Variants in CCDC51 observed in about 807,000 individuals in gnomAD.
CCDC51 encodes the protein mitochondrial potassium channel.
A neutral mutation model predicts 24.8 loss-of-function variants in CCDC51; 25 were observed. The ratio of observed to expected loss-of-function variants is 1.01; its 90% CI spans 0.73 to 1.41. The LOEUF (loss-of-function observed/expected upper bound fraction) is 1.41, where lower values mean the gene tolerates loss of function less well. Among genes scored for constraint, CCDC51 ranks in the 40% most tolerant of loss-of-function variants. The pLI is 0.00. For missense variants in CCDC51, 466 were observed against 519.1 expected (o/e 0.90, Z 0.99); for synonymous variants, 190 against 204.3 (o/e 0.93, Z 0.60).
chr3:48,432,915 A>G lies in CCDC51; in HGVS notation c.729T>C (p.Ser243=), dbSNP rs763391229. ...LLLEAQKGPV[S]LQEAIREQAS... ...CCTGTTCTCGAATGGCCTCTTGGAG[A>G]CTCACAGGCCCCTTCTGCGCCTCCA... Residue 243 remains serine (S), a synonymous_variant, in exon 4 of 4, where the codon AGT becomes AGC. Transcript: ENST00000395694. 1.2e-6 allele frequency: 2 copies of G among 1,613,734 alleles called. No homozygotes were observed. Among genetic ancestry groups the G allele is most frequent in the Non-Finnish European group, 1.7e-6 (2 of 1,179,940 alleles).
At position 48,435,627 on chromosome 3, in the gene CCDC51, G is replaced by A. The variant is rs111285316; in HGVS notation, c.-8-491C>T. 8.5e-5 allele frequency among the ~76,000 whole-genome samples: 13 copies of A among 152,224 alleles called. 1 individual carries two copies. Among genetic ancestry groups the A allele is most frequent in the African/African-American group, 2.9e-4 (12 of 41,536 alleles). On this transcript the variant is annotated intron_variant, in intron 1 of 3. Coordinates refer to ENST00000395694, the MANE Select transcript of CCDC51 (RefSeq NM_001256964.2). This position sits in a 1 kb window ranked among gnomAD's most constrained non-coding sequence, Gnocchi z 4.2. Reference sequence around the variant, plus strand: ...GATCCAGGATCATTTCTGTAAAACAGCCTCAAAACCAACTCCCCAGACTCT... The same window carrying A: ...GATCCAGGATCATTTCTGTAAAACAACCTCAAAACCAACTCCCCAGACTCT...
Position 48,432,434 on chromosome 3 carries a change from G to T in CCDC51, c.1210C>A (p.Leu404Ile). The change falls in exon 4 of 4, where the codon CTC (leucine) becomes ATC (isoleucine). Residue 404 changes from leucine to isoleucine, a missense_variant. By Grantham distance (5) the Leu-to-Ile change is conservative. Transcript: ENST00000395694. Reference sequence around the variant, plus strand: ...TAGCTGGCTTTGAATAGCATGTAGAGCACAGGCAGTGTGGCCACAAATGTC... The same window carrying T: ...TAGCTGGCTTTGAATAGCATGTAGATCACAGGCAGTGTGGCCACAAATGTC... ...CVTFVATLPV[L>I]YMLFKAS is the part of the protein sequence containing the mutation. 4 of 1,614,260 alleles carry T rather than the reference G, an allele frequency of 2.5e-6. No homozygotes were observed. The highest frequency in any genetic ancestry group is 3.4e-6 in the Non-Finnish European group (4 of 1,180,050).
At chr3:48,440,155 C>G (rs2039518589), upstream of CCDC51, 2 of 1,394,194 alleles carry the variant, frequency 1.4e-6, no homozygotes, top group Non-Finnish European at 1.9e-6. Flanking sequence ...TAGTACCCGC[C>G]CCTGGAGCGC....
At chr3:48,434,003 TAG>T (rs2039273940) in intron 2 of CCDC51, 132 bp from the exon 3 acceptor site, 1 of 1,454,230 alleles carries the variant, frequency 6.9e-7, no homozygotes, top group Non-Finnish European at 9.0e-7. Context: ...CGGAATTCCT[TAG>T]ACACTAATCC....
At chr3:48,440,663 A>G (rs2039538034), upstream of CCDC51, 1 of 1,585,670 alleles carries the variant, frequency 6.3e-7, no homozygotes, top group Non-Finnish European at 8.6e-7. Flanking sequence ...AAGCTGGCCA[A>G]ACGCTATGAG....
At chr3:48,438,639 A>G (rs1013894546) in intron 1 of CCDC51, among the ~76,000 whole-genome samples, 3 of 152,066 alleles carry the variant, frequency 2.0e-5, no homozygotes, top group Non-Finnish European at 4.4e-5. Flanking sequence ...CACCTCTGCC[A>G]CTGCTACCAA....
upstream of CCDC51, among the ~76,000 whole-genome samples, chr3:48,443,507 C>T (rs1240778416): frequency 6.6e-6 from 1 of 150,884 alleles, no homozygotes; most frequent in Non-Finnish European, 1.5e-5. Context: ...GCACTGCAGC[C>T]TGGGCGACAG....
chr3:48,432,969 C>G lies in CCDC51; in HGVS notation c.675G>C (p.Val225=), dbSNP rs771909567. 6.2e-7 allele frequency: 1 copy of G among 1,614,186 alleles called. No homozygotes were observed. The highest frequency in any genetic ancestry group is 2.2e-5 in the East Asian group (1 of 44,882). The change falls in exon 4 of 4, where the codon GTG becomes GTC. Residue 225 remains valine, a synonymous_variant. Coordinates refer to ENST00000395694, the MANE Select transcript of CCDC51 (RefSeq NM_001256964.2). The part of the protein sequence containing the change: ...GVAGSTYVNR[V]RLQELKALLL... ...GTAAAGCCTTCAGCTCCTGTAGTCGCACACGGTTCACATAGGTGGAGCCAG... is the reference window on the plus strand; with the variant it reads ...GTAAAGCCTTCAGCTCCTGTAGTCGGACACGGTTCACATAGGTGGAGCCAG...
chr3:48,434,025 C>T, intron 2 of CCDC51, 154 bp from the exon 3 acceptor site: 2 of 1,418,650 alleles, frequency 1.4e-6, no homozygotes, highest in South Asian at 3.0e-5. Context: ...CTGGCTCACC[C>T]AGTGGTGCTC....
At position 48,434,264 on chromosome 3, in the gene CCDC51, A is replaced by G. The variant is rs190610140; in HGVS notation, c.313-393T>C. Reference sequence around the variant, plus strand: ...TTTATAAACCCAGAAACACCAGCTCAGCCAAGCTCACAATCTCCAAGGAAA... The same window carrying G: ...TTTATAAACCCAGAAACACCAGCTCGGCCAAGCTCACAATCTCCAAGGAAA... On this transcript the variant is annotated intron_variant, in intron 2 of 3. Coordinates refer to ENST00000395694, the MANE Select transcript of CCDC51 (RefSeq NM_001256964.2). 5.9e-5 allele frequency among the ~76,000 whole-genome samples: 9 copies of G among 152,344 alleles called. No homozygotes were observed. The East Asian group carries it at 1.7e-3, about 29-fold the overall frequency.
At chr3:48,443,457 C>G (rs2039612208), upstream of CCDC51, among the ~76,000 whole-genome samples, 1 of 151,688 alleles carries the variant, frequency 6.6e-6, no homozygotes, top group Non-Finnish European at 1.5e-5. Context: ...TTGCTTCAAC[C>G]TGGGAGGCAG....
upstream of CCDC51, among the ~76,000 whole-genome samples, chr3:48,441,901 C>G (rs1044769660): frequency 2.0e-5 from 3 of 152,086 alleles, no homozygotes; most frequent in East Asian, 1.9e-4. Flanking sequence ...GTTTACCTAC[C>G]CAGCACTGAG....
At chr3:48,438,799 C>T (rs1415079059) in intron 1 of CCDC51, among the ~76,000 whole-genome samples, 1 of 152,188 alleles carries the variant, frequency 6.6e-6, no homozygotes, top group South Asian at 2.1e-4. Flanking sequence ...ACCATTGTCT[C>T]TCTGCTCAAC....
Position 48,433,814 on chromosome 3 carries a change from C to T in CCDC51, c.370G>A (p.Glu124Lys), listed in dbSNP as rs2039266695. The change falls in exon 3 of 4, where the codon GAA becomes AAA. Residue 124 changes from glutamate to lysine, a missense_variant. Coordinates refer to ENST00000395694, the MANE Select transcript of CCDC51 (RefSeq NM_001256964.2). The surrounding 1 kb of genome is among the most constrained non-coding windows in gnomAD (Gnocchi z 4.4). ...TCCTTCAGCTTGGCCTGGTGAACTT[C>T]CAAGTCCTCCCGAGCCTCTCGGACA... ...GLVREAREDLEVHQAKLKEVR... is the reference protein window; with the variant it reads ...GLVREAREDLKVHQAKLKEVR... The T allele has an allele frequency of 1.9e-6, 3 of 1,614,098 alleles. No individual in the cohort carries two copies. The highest frequency in any genetic ancestry group is 2.5e-6 in the Non-Finnish European group (3 of 1,180,012).
upstream of CCDC51, chr3:48,440,356 G>A (rs1307235345): frequency 5.0e-6 from 8 of 1,611,764 alleles, no homozygotes; most frequent in South Asian, 4.4e-5. Flanking sequence ...CGGCGGGGTG[G>A]GGACCGGGCG....
chr3:48,441,389 G>T (rs577801807), upstream of CCDC51, among the ~76,000 whole-genome samples: 1 of 151,130 alleles, frequency 6.6e-6, no homozygotes, highest in Non-Finnish European at 1.5e-5. Flanking sequence ...CACCATGTTG[G>T]CCAAGCTGGT....
chr3:48,440,154 C>T, upstream of CCDC51: 1 of 1,386,828 alleles, frequency 7.2e-7, no homozygotes, highest in Non-Finnish European at 9.6e-7. Flanking sequence ...TTAGTACCCG[C>T]CCCTGGAGCG....
At chr3:48,436,472 T>C (rs2039358292) in intron 1 of CCDC51, among the ~76,000 whole-genome samples, 1 of 152,190 alleles carries the variant, frequency 6.6e-6, no homozygotes, top group South Asian at 2.1e-4. Flanking sequence ...AACTTCACTG[T>C]GACAGTGATC....
chr3:48,443,838 T>G (rs776601345), upstream of CCDC51: 1 of 1,561,548 alleles, frequency 6.4e-7, no homozygotes, highest in Non-Finnish European at 8.6e-7. Flanking sequence ...TGACTATTTT[T>G]CTTTTGCAGC....
Sources: allele counts gnomAD v4.1 joint callset (sites outside exome capture counted in the v4.1 genomes callset), GRCh38; gene constraint gnomAD v4.1.1; non-coding constraint Gnocchi (gnomAD v3.1); transcripts MANE v1.5; gene names NCBI Gene and HGNC (gene_info 2026-07-23, HGNC 2026-07-21).